Variants in ALK observed in about 807,000 individuals in gnomAD.
The protein encoded by ALK is ALK tyrosine kinase receptor.
In ALK, 74 loss-of-function variants were observed where a neutral mutation model predicts 163.1. The ratio of observed to expected loss-of-function variants is 0.45; its 90% CI spans 0.38 to 0.55. The LOEUF (loss-of-function observed/expected upper bound fraction) is 0.55. ALK is among the 20% of genes least tolerant of loss of function. The probability of loss-of-function intolerance (pLI) is 0.00; values close to 1 mark genes in which losing one functional copy is unlikely to be tolerated. For missense variants in ALK, 2,063 were observed against 2,105.3 expected, an observed-to-expected ratio of 0.98 and a Z score of 0.39; for synonymous variants, 960 against 843.2, an observed-to-expected ratio of 1.14 and a Z score of -2.40.
At chr2:29,619,578 A>G (rs1675968563) in intron 3 of ALK, among the ~76,000 whole-genome samples, 1 of 152,194 alleles carries the variant, frequency 6.6e-6, no homozygotes, top group Non-Finnish European at 1.5e-5. Context: ...AATAGCAAGC[A>G]GCACTGCCGG....
chr2:29,670,173 T>A (rs1677638981), intron 3 of ALK, among the ~76,000 whole-genome samples: 1 of 152,136 alleles, frequency 6.6e-6, no homozygotes, highest in Admixed American at 6.6e-5. Context: ...ATTGAAGAAC[T>A]ACCTTTAGCA....
At chr2:29,671,457 C>T (rs1372697485) in intron 3 of ALK, among the ~76,000 whole-genome samples, 3 of 152,074 alleles carry the variant, frequency 2.0e-5, no homozygotes, top group African/African-American at 7.2e-5. Flanking sequence ...TGCCTATGCC[C>T]ATCCTTAGGG....
At chr2:29,222,039 C>T (rs1434100020) in intron 22 of ALK, among the ~76,000 whole-genome samples, 2 of 152,292 alleles carry the variant, frequency 1.3e-5, no homozygotes, top group East Asian at 1.9e-4. Context: ...CAAAGTCTAG[C>T]ATGCTCCATT....
At chr2:29,571,382 T>TG (rs1488104969) in intron 3 of ALK, among the ~76,000 whole-genome samples, 2 of 152,100 alleles carry the variant, frequency 1.3e-5, no homozygotes, top group Non-Finnish European at 2.9e-5. Flanking sequence ...GATTGGATCA[T>TG]GGGGGAAGTT....
At chr2:29,569,470 C>T (rs192835139) in intron 3 of ALK, among the ~76,000 whole-genome samples, 53 of 152,234 alleles carry the variant, frequency 3.5e-4, no homozygotes, top group African/African-American at 1.3e-3. Context: ...TTACATGTAC[C>T]TTGTAGGTGG....
intron 4 of ALK, among the ~76,000 whole-genome samples, chr2:29,437,867 C>T (rs542600162): frequency 9.2e-5 from 14 of 152,310 alleles, no homozygotes; most frequent in South Asian, 4.2e-4. Flanking sequence ...CATAGACAAG[C>T]GGCAAAACTA....
At chr2:29,581,580 G>T (rs1674692221) in intron 3 of ALK, among the ~76,000 whole-genome samples, 1 of 152,098 alleles carries the variant, frequency 6.6e-6, no homozygotes, top group African/African-American at 2.4e-5. Flanking sequence ...TGCACTGGAG[G>T]GAGGAGGCTG....
At chr2:29,255,647 C>T (rs1342918994) in intron 11 of ALK, among the ~76,000 whole-genome samples, 3 of 152,104 alleles carry the variant, frequency 2.0e-5, no homozygotes, top group East Asian at 3.9e-4. Flanking sequence ...GGTGATTAAA[C>T]CGTTCCCAGA....
intron 3 of ALK, among the ~76,000 whole-genome samples, chr2:29,630,144 G>A (rs567766442): frequency 5.3e-5 from 8 of 152,270 alleles, no homozygotes; most frequent in African/African-American, 7.2e-5. Flanking sequence ...GAATAAGCAC[G>A]GAGGAGGTGA....
chr2:29,918,524 T>G (rs1394802023), intron 1 of ALK, among the ~76,000 whole-genome samples: 1 of 152,112 alleles, frequency 6.6e-6, no homozygotes, highest in South Asian at 2.1e-4. Context: ...CTTAGGATGG[T>G]CTATATAAAT....
At chr2:29,321,281 A>G (rs1667036060) in intron 6 of ALK, among the ~76,000 whole-genome samples, 1 of 152,190 alleles carries the variant, frequency 6.6e-6, no homozygotes, top group African/African-American at 2.4e-5. Context: ...ATACTCAGCC[A>G]CCATGAATGT....
chr2:29,241,446 G>T (rs1664520020), intron 12 of ALK, among the ~76,000 whole-genome samples: 1 of 151,950 alleles, frequency 6.6e-6, no homozygotes. Flanking sequence ...CAAATCTCTG[G>T]CCAAAATAAG....
At chr2:29,278,231 G>A (rs1264515412) in intron 9 of ALK, among the ~76,000 whole-genome samples, 1 of 152,198 alleles carries the variant, frequency 6.6e-6, no homozygotes, top group Admixed American at 6.5e-5. Flanking sequence ...GCAGGGATAG[G>A]ACCTGTCCTG....
intron 1 of ALK, among the ~76,000 whole-genome samples, chr2:29,747,851 G>C (rs1279377478): frequency 1.3e-5 from 2 of 152,262 alleles, no homozygotes; most frequent in East Asian, 3.9e-4. Flanking sequence ...ACATTGTCAA[G>C]CTTTCCCTTC....
At chr2:29,335,220 A>G (rs1667574765) in intron 5 of ALK, among the ~76,000 whole-genome samples, 1 of 152,208 alleles carries the variant, frequency 6.6e-6, no homozygotes, top group African/African-American at 2.4e-5. Flanking sequence ...CACTCTGGGA[A>G]GAGTCGGTGC....
Position 29,556,213 on chromosome 2 carries a change from G to A in ALK, c.953-24097C>T, listed in dbSNP as rs1673854871. On this transcript the variant is annotated intron_variant, in intron 3 of 28. Coordinates refer to ENST00000389048, the MANE Select transcript of ALK (RefSeq NM_004304.5). Reference sequence around the variant, plus strand: ...CTCTGACCACCTATGCCAAGTCCTGGCTCTGCCATTACTTGCTGTGTGATC... The same window carrying A: ...CTCTGACCACCTATGCCAAGTCCTGACTCTGCCATTACTTGCTGTGTGATC... Among the ~76,000 whole-genome samples, 6 of 152,244 alleles carry A rather than the reference G, an allele frequency of 3.9e-5. No homozygotes were observed. In the South Asian group the frequency reaches 1.2e-3, roughly 32 times the overall value.
chr2:29,238,822 A>T (rs1444562059), intron 13 of ALK, among the ~76,000 whole-genome samples: 1 of 152,192 alleles, frequency 6.6e-6, no homozygotes, highest in Non-Finnish European at 1.5e-5. Flanking sequence ...AAAAATGATA[A>T]AGTGCAGCAA....
chr2:29,329,388 C>G (rs1667372095), intron 5 of ALK, among the ~76,000 whole-genome samples: 1 of 152,228 alleles, frequency 6.6e-6, no homozygotes, highest in African/African-American at 2.4e-5. Context: ...CAAGGCCTGG[C>G]TGGTGCCTCC....
At chr2:29,665,462 C>T (rs1312038776) in intron 3 of ALK, among the ~76,000 whole-genome samples, 1 of 152,120 alleles carries the variant, frequency 6.6e-6, no homozygotes, top group East Asian at 1.9e-4. Flanking sequence ...AAACCATGAA[C>T]TATCCTTACG....
Sources: gnomAD v4.1 joint callset for allele counts (sites outside exome capture counted in the v4.1 genomes callset) on GRCh38, gnomAD v4.1.1 for gene constraint, MANE v1.5 for transcripts, NCBI Gene and HGNC (gene_info 2026-07-23, HGNC 2026-07-21) for gene names.